The following CD1B variants were observed in gnomAD, a reference collection of about 807,000 sequenced individuals.
The protein encoded by CD1B is T-cell surface glycoprotein CD1b.
A neutral mutation model predicts 39.8 loss-of-function variants in CD1B; 43 were observed. The observed-to-expected ratio is 1.08, with a 90% CI of 0.85 to 1.39. CD1B has a LOEUF of 1.39. Among genes scored for constraint, CD1B ranks in the 40% most tolerant of loss-of-function variants. CD1B has a pLI of 0.00. For synonymous variants in CD1B, 192 were observed against 152.5 expected, an observed-to-expected ratio of 1.26 and a Z score of -1.91; for missense variants, 495 against 403.8, an observed-to-expected ratio of 1.23 and a Z score of -1.94.
the CD1B span, chr1:158,292,901 T>G: frequency 6.2e-7 from 1 of 1,609,502 alleles, no homozygotes. Context: ...GAAGTGTAGG[T>G]AGGTGGTTCT....
chr1:158,329,444 T>C lies in CD1B; in HGVS notation c.812A>G (p.Asp271Gly), dbSNP rs771494862. 5.0e-6 allele frequency: 8 copies of C among 1,614,044 alleles called. No homozygotes were observed. The African/African-American group carries it at 1.1e-4, about 22-fold the overall frequency. Residue 271 changes from aspartate to glycine, a missense_variant, in exon 4 of 6, where the codon GAT becomes GGT. Asp to Gly is a moderately conservative substitution (Grantham distance 94). Transcript: ENST00000368168. Reference protein sequence around the residue: ...WYLRATLDVADGEAAGLSCRV... With the variant: ...WYLRATLDVAGGEAAGLSCRV... ...ACAGGACAGGCCAGCCGCCTCCCCA[T>C]CTGCCACATCCAGGGTTGCTCGGAG...
chr1:158,310,097 C>A, the CD1B span, among the ~76,000 whole-genome samples: 1 of 152,070 alleles, frequency 6.6e-6, no homozygotes, highest in African/African-American at 2.4e-5. Flanking sequence ...ACCAAAACAG[C>A]ATGGTACTAG....
chr1:158,292,070 C>T, the CD1B span: 1 of 1,595,830 alleles, frequency 6.3e-7, no homozygotes, highest in Non-Finnish European at 8.5e-7. Flanking sequence ...TTTCTCATTC[C>T]TCCCTTCCTC....
the CD1B span, among the ~76,000 whole-genome samples, chr1:158,285,858 G>A: frequency 6.6e-6 from 1 of 152,138 alleles, no homozygotes; most frequent in Non-Finnish European, 1.5e-5. Context: ...ACTTCAATAA[G>A]AGTTGAGGAG....
the CD1B span, among the ~76,000 whole-genome samples, chr1:158,307,233 AG>A: frequency 6.6e-6 from 1 of 152,238 alleles, no homozygotes; most frequent in Non-Finnish European, 1.5e-5. Flanking sequence ...ACGCAATAAA[AG>A]ATGATAAAGG....
chr1:158,322,127 TTTAG>T, the CD1B span, among the ~76,000 whole-genome samples: 1 of 152,228 alleles, frequency 6.6e-6, no homozygotes, highest in Non-Finnish European at 1.5e-5. Flanking sequence ...AATAAAGTAT[TTTAG>T]TTATCATTTT....
chr1:158,285,791 G>A, the CD1B span, among the ~76,000 whole-genome samples: 2 of 152,098 alleles, frequency 1.3e-5, no homozygotes, highest in African/African-American at 4.8e-5. Flanking sequence ...GCAGAGGGTG[G>A]AGGATATACG....
At chr1:158,290,198 C>G in the CD1B span, 5 of 1,325,270 alleles carry the variant, frequency 3.8e-6, no homozygotes, top group Non-Finnish European at 5.4e-6. Flanking sequence ...CGAGATGGAT[C>G]AATAGAGATG....
chr1:158,304,603 C>T, the CD1B span, among the ~76,000 whole-genome samples: 4 of 152,318 alleles, frequency 2.6e-5, no homozygotes, highest in African/African-American at 9.6e-5. Context: ...GTTCTCCCAG[C>T]ATGCAGCTGG....
At chr1:158,292,753 T>C in the CD1B span, 6 of 1,614,200 alleles carry the variant, frequency 3.7e-6, no homozygotes, top group South Asian at 6.6e-5. Flanking sequence ...ATATTCTTCC[T>C]AATGCTGATG....
the CD1B span, among the ~76,000 whole-genome samples, chr1:158,303,941 C>A: frequency 1.3e-5 from 2 of 151,944 alleles, no homozygotes; most frequent in Admixed American, 1.3e-4. Context: ...CATACAGAAT[C>A]AAAAAAGAGT....
the CD1B span, among the ~76,000 whole-genome samples, chr1:158,322,366 A>G: frequency 1.3e-5 from 2 of 151,646 alleles, no homozygotes; most frequent in African/African-American, 2.4e-5. Context: ...CCTCTTGAAT[A>G]GCTGGGACTA....
chr1:158,321,015 T>C, the CD1B span, among the ~76,000 whole-genome samples: 1 of 152,204 alleles, frequency 6.6e-6, no homozygotes, highest in Non-Finnish European at 1.5e-5. Context: ...AAGCATCTGT[T>C]AGGTTCATTT....
At chr1:158,294,713 TA>T in the CD1B span, among the ~76,000 whole-genome samples, 2 of 152,328 alleles carry the variant, frequency 1.3e-5, no homozygotes, top group East Asian at 3.9e-4. Flanking sequence ...TTATGTCACT[TA>T]AGCTTAAACT....
chr1:158,307,746 G>C, the CD1B span, among the ~76,000 whole-genome samples: 1 of 151,820 alleles, frequency 6.6e-6, no homozygotes, highest in Admixed American at 6.6e-5. Context: ...CTGATAAAGT[G>C]GGCTTCATCT....
chr1:158,288,486 G>T, the CD1B span, among the ~76,000 whole-genome samples: 5 of 152,260 alleles, frequency 3.3e-5, no homozygotes, highest in African/African-American at 1.2e-4. Context: ...TGACTTTCAG[G>T]GCTCAAAAGA....
At chr1:158,315,552 T>A in the CD1B span, among the ~76,000 whole-genome samples, 7 of 151,862 alleles carry the variant, frequency 4.6e-5, no homozygotes, top group Non-Finnish European at 1.0e-4. Context: ...AGATTCTCGA[T>A]ATTAGCCCTT....
chr1:158,293,589 A>G, the CD1B span: 13,025 of 1,612,030 alleles, frequency 8.1e-3, 652 homozygotes, highest in African/African-American at 0.12. Flanking sequence ...CTCTTTCTGC[A>G]TAATAAACAT....
the CD1B span, among the ~76,000 whole-genome samples, chr1:158,289,477 A>G: frequency 6.6e-6 from 1 of 152,214 alleles, no homozygotes; most frequent in South Asian, 2.1e-4. Context: ...GTAAAAAGCA[A>G]CGTCTCCAAT....
Sources: gnomAD v4.1 joint callset for allele counts (sites outside exome capture counted in the v4.1 genomes callset) on GRCh38, gnomAD v4.1.1 for gene constraint, MANE v1.5 for transcripts, NCBI Gene and HGNC (gene_info 2026-07-23, HGNC 2026-07-21) for gene names.